SPATS2: variants seen among roughly 807,000 people sequenced by gnomAD.
SPATS2 encodes spermatogenesis-associated serine-rich protein 2.
SPATS2 carries 38 observed loss-of-function variants against 63.7 expected under a neutral mutation model. That is an observed-to-expected ratio of 0.60 (90% CI 0.46 to 0.78). The LOEUF (loss-of-function observed/expected upper bound fraction) is 0.78. SPATS2 is among the 30% of genes least tolerant of loss of function. The probability of loss-of-function intolerance (pLI) is 0.00; values close to 1 mark genes in which losing one functional copy is unlikely to be tolerated. For synonymous variants in SPATS2, 207 were observed against 232.9 expected, an observed-to-expected ratio of 0.89 and a Z score of 1.01; for missense variants, 588 against 666.2, an observed-to-expected ratio of 0.88 and a Z score of 1.29.
At chr12:49,498,450 G>A (rs1946505986) in intron 8 of SPATS2, among the ~76,000 whole-genome samples, 1 of 152,034 alleles carries the variant, frequency 6.6e-6, no homozygotes, top group Admixed American at 6.6e-5. Context: ...GCTTTGAAGT[G>A]TACTATACAG....
At chr12:49,389,289 C>T (rs1240817380) in intron 2 of SPATS2, among the ~76,000 whole-genome samples, 2 of 152,156 alleles carry the variant, frequency 1.3e-5, no homozygotes, top group Non-Finnish European at 1.5e-5. Flanking sequence ...CTGGCGGAGG[C>T]GGTTAGCAGA....
At chr12:49,497,742 G>T (rs1946488468) in intron 8 of SPATS2, among the ~76,000 whole-genome samples, 1 of 151,860 alleles carries the variant, frequency 6.6e-6, no homozygotes, top group Admixed American at 6.6e-5. Flanking sequence ...ATAACTTCAT[G>T]CTCTTACTGA....
At chr12:49,523,432 T>G (rs181336252) in intron 12 of SPATS2, among the ~76,000 whole-genome samples, 1 of 151,962 alleles carries the variant, frequency 6.6e-6, no homozygotes, top group East Asian at 1.9e-4. Context: ...GAGTTTGAGG[T>G]TCCAGTGAGC....
At chr12:49,392,654 G>A (rs781154013) in intron 2 of SPATS2, among the ~76,000 whole-genome samples, 8 of 150,870 alleles carry the variant, frequency 5.3e-5, no homozygotes, top group Non-Finnish European at 1.0e-4. Flanking sequence ...CAGAGGTTGC[G>A]GTGAGCCGAG....
intron 2 of SPATS2, chr12:49,406,368 T>G (rs538734267): frequency 1.3e-5 from 2 of 152,260 alleles, no homozygotes; most frequent in East Asian, 3.9e-4. Context: ...TACTGTAGCC[T>G]TGACCTCCCA....
At chr12:49,425,445 G>A (rs1945057409) in intron 2 of SPATS2, among the ~76,000 whole-genome samples, 1 of 151,512 alleles carries the variant, frequency 6.6e-6, no homozygotes, top group African/African-American at 2.4e-5. Context: ...TTAGCCTCCC[G>A]AGTAGCTGGG....
chr12:49,433,051 A>C (rs192917919), intron 2 of SPATS2, among the ~76,000 whole-genome samples: 2 of 152,074 alleles, frequency 1.3e-5, no homozygotes, highest in African/African-American at 4.8e-5. Flanking sequence ...AAGGGTTCCA[A>C]TTTTTCCACA....
chr12:49,382,187 C>T (rs777623575), intron 2 of SPATS2, among the ~76,000 whole-genome samples: 11 of 152,328 alleles, frequency 7.2e-5, no homozygotes, highest in Non-Finnish European at 1.0e-4. Flanking sequence ...TGAAGTCTTT[C>T]GGGTGGATTC....
rs766741810 is a variant in SPATS2, at chr12:49,526,263, TC to T, written c.*10del. 1.1e-5 allele frequency: 18 copies of T among 1,595,460 alleles called. No homozygotes were observed. The highest frequency in any genetic ancestry group is 9.1e-5 in the South Asian group (8 of 88,304). The stretch of plus-strand genomic sequence containing the variant: ...GAAGCCGTGAACTCTTGAGAGAAAA[TC>T]CAGTTGGCCTCTCTCCTCTATCCAC... On this transcript the variant is annotated 3_prime_UTR_variant, in exon 14 of 14. Coordinates refer to ENST00000552918, the MANE Select transcript of SPATS2 (RefSeq NM_023071.4).
chr12:49,401,839 A>G (rs1052712087), intron 2 of SPATS2, among the ~76,000 whole-genome samples: 7 of 152,178 alleles, frequency 4.6e-5, no homozygotes, highest in African/African-American at 1.4e-4. Context: ...CTGGGATTAC[A>G]GCCATGTAGC....
At chr12:49,440,555 A>G (rs1029703729) in intron 2 of SPATS2, among the ~76,000 whole-genome samples, 1 of 147,910 alleles carries the variant, frequency 6.8e-6, no homozygotes, top group Non-Finnish European at 1.5e-5. Flanking sequence ...TGCAACTTCC[A>G]CCTCCCGAGT....
rs374082420 is a variant in SPATS2, at chr12:49,434,453, G to C, written c.-243-26317G>C. On this transcript the variant is annotated intron_variant, in intron 2 of 13. Coordinates refer to ENST00000552918, the MANE Select transcript of SPATS2 (RefSeq NM_023071.4). The stretch of plus-strand genomic sequence containing the variant: ...CATTAAACAATAACTCCTCCTCCCC[G>C]CCAGCCCTTGGTAACCTCTATTCTG... Among the ~76,000 whole-genome samples, 72 of 152,102 alleles carry C rather than the reference G, an allele frequency of 4.7e-4. No homozygotes were observed. The South Asian group carries it at 0.012, about 26-fold the overall frequency.
chr12:49,444,595 T>C (rs1202681324), intron 2 of SPATS2, among the ~76,000 whole-genome samples: 4 of 152,118 alleles, frequency 2.6e-5, no homozygotes, highest in Non-Finnish European at 4.4e-5. Flanking sequence ...TATATAGATA[T>C]ACCATTACTT....
At chr12:49,368,545 A>G (rs187595860) in intron 1 of SPATS2, among the ~76,000 whole-genome samples, 1 of 152,368 alleles carries the variant, frequency 6.6e-6, no homozygotes. Flanking sequence ...GCAATTTCTC[A>G]CTGAGAAATG....
At chr12:49,397,987 A>G (rs1322751930) in intron 2 of SPATS2, among the ~76,000 whole-genome samples, 1 of 151,188 alleles carries the variant, frequency 6.6e-6, no homozygotes, top group African/African-American at 2.4e-5. Context: ...CCATCTCTAC[A>G]AAAAAATACA....
rs188383943 is a variant in SPATS2 at position 49,408,050 on chromosome 12, A to G, written c.-244+36760A>G. On this transcript the variant is annotated intron_variant, in intron 2 of 13. Coordinates refer to ENST00000552918, the MANE Select transcript of SPATS2 (RefSeq NM_023071.4). Reference sequence around the variant, plus strand: ...CAATGTCAGTGTTAAATGGTAGGTTACAGACTGTAAAATGCTATATGAGTT... The same window carrying G: ...CAATGTCAGTGTTAAATGGTAGGTTGCAGACTGTAAAATGCTATATGAGTT... Among the ~76,000 whole-genome samples the G allele has an allele frequency of 2.6e-5, 4 of 152,334 alleles. No individual in the cohort carries two copies. The East Asian group carries it at 7.7e-4, about 29-fold the overall frequency.
chr12:49,460,593 C>T (rs781325508), intron 2 of SPATS2, among the ~76,000 whole-genome samples, 177 bp from the exon 3 acceptor site: 1 of 152,186 alleles, frequency 6.6e-6, no homozygotes, highest in Non-Finnish European at 1.5e-5. Flanking sequence ...TAATCTGATT[C>T]TAAGATTAAC....
At chr12:49,511,123 C>T (rs1946746317) in intron 9 of SPATS2, among the ~76,000 whole-genome samples, 1 of 151,896 alleles carries the variant, frequency 6.6e-6, no homozygotes, top group South Asian at 2.1e-4. Context: ...ATCACTTGAA[C>T]CCAGGAGGCA....
chr12:49,398,074 C>T (rs1407740325), intron 2 of SPATS2, among the ~76,000 whole-genome samples: 3 of 124,598 alleles, frequency 2.4e-5, no homozygotes, highest in Non-Finnish European at 4.7e-5. Flanking sequence ...CCAGGAGGTG[C>T]AGATTGCAGT....
Sources: allele counts gnomAD v4.1 joint callset (sites outside exome capture counted in the v4.1 genomes callset), GRCh38; gene constraint gnomAD v4.1.1; transcripts MANE v1.5; gene names NCBI Gene and HGNC (gene_info 2026-07-23, HGNC 2026-07-21).